The following CTNND2 variants were observed in gnomAD, a reference collection of about 807,000 sequenced individuals.
The protein encoded by CTNND2 is catenin delta-2.
Under a neutral mutation model 144.4 loss-of-function variants are expected in CTNND2, and 22 were observed. The observed-to-expected ratio is 0.15, with a 90% CI of 0.11 to 0.22. The LOEUF is 0.22. Among genes scored for constraint, CTNND2 ranks in the 10% least tolerant of loss-of-function variants. The probability of loss-of-function intolerance (pLI) is 1.00; values close to 1 mark genes in which losing one functional copy is unlikely to be tolerated. For synonymous variants in CTNND2, 751 were observed against 695.6 expected (o/e 1.08, Z -1.25); for missense variants, 1,353 against 1,618.8 (o/e 0.84, Z 2.82).
At chr5:11,641,444 G>A (rs1781993453) in intron 2 of CTNND2, among the ~76,000 whole-genome samples, 3 of 134,434 alleles carry the variant, frequency 2.2e-5, no homozygotes. Context: ...GGAGTAAAAG[G>A]ATATATATAT....
chr5:11,614,487 A>T (rs1172355800), intron 2 of CTNND2, among the ~76,000 whole-genome samples: 1 of 152,234 alleles, frequency 6.6e-6, no homozygotes, highest in Non-Finnish European at 1.5e-5. Flanking sequence ...CCATTTTGGA[A>T]AATAATTTGG....
chr5:11,359,820 T>C (rs1480942402), intron 8 of CTNND2, among the ~76,000 whole-genome samples: 1 of 152,158 alleles, frequency 6.6e-6, no homozygotes, highest in Non-Finnish European at 1.5e-5. Context: ...GAGAACCCCT[T>C]TAGACCATGT....
chr5:11,281,691 C>A (rs1747134299), intron 9 of CTNND2, among the ~76,000 whole-genome samples: 1 of 152,184 alleles, frequency 6.6e-6, no homozygotes, highest in African/African-American at 2.4e-5. Flanking sequence ...AGCTGACTGC[C>A]TCCTCCCCAC....
At chr5:11,516,873 A>G (rs1232815409) in intron 3 of CTNND2, among the ~76,000 whole-genome samples, 2 of 152,206 alleles carry the variant, frequency 1.3e-5, no homozygotes, top group South Asian at 4.1e-4. Context: ...GAAAAGCTCA[A>G]CAATCTTAAA....
At chr5:11,710,906 A>G (rs73043416) in intron 2 of CTNND2, among the ~76,000 whole-genome samples, 6,612 of 152,206 alleles carry the variant, frequency 0.043, 448 homozygotes, top group African/African-American at 0.15. Flanking sequence ...TCCTTTGCCT[A>G]TTCAGTTTAA....
At chr5:11,744,777 C>T (rs1443863605) in intron 1 of CTNND2, among the ~76,000 whole-genome samples, 1 of 151,984 alleles carries the variant, frequency 6.6e-6, no homozygotes, top group Non-Finnish European at 1.5e-5. Flanking sequence ...GACAGAGTCT[C>T]ACTTTGTTGC....
At chr5:11,315,894 A>G (rs144361826) in intron 9 of CTNND2, among the ~76,000 whole-genome samples, 203 of 152,330 alleles carry the variant, frequency 1.3e-3, no homozygotes, top group African/African-American at 4.7e-3. Flanking sequence ...TCTTATCACC[A>G]GTAGATAGAA....
At chr5:11,731,645 C>T (rs868590002) in intron 2 of CTNND2, among the ~76,000 whole-genome samples, 4 of 152,106 alleles carry the variant, frequency 2.6e-5, no homozygotes, top group Admixed American at 1.3e-4. Context: ...ATCGTTCAGA[C>T]TTTCATTAGT....
chr5:11,600,037 C>T (rs1339729277), intron 2 of CTNND2, among the ~76,000 whole-genome samples: 1 of 152,178 alleles, frequency 6.6e-6, no homozygotes, highest in Non-Finnish European at 1.5e-5. Context: ...TAAAGCAAAA[C>T]TATAAATATG....
chr5:11,246,879 G>A (rs1191944515), intron 9 of CTNND2, among the ~76,000 whole-genome samples: 1 of 152,046 alleles, frequency 6.6e-6, no homozygotes. Flanking sequence ...CAGACAAGAG[G>A]TAAGAAGGTC....
Position 11,023,069 on chromosome 5 carries a change from C to G in CTNND2, c.2789-90G>C. 3 of 1,137,784 alleles carry G rather than the reference C, an allele frequency of 2.6e-6. No individual in the cohort carries two copies. In the South Asian group the frequency reaches 3.9e-5, roughly 15 times the overall value. The allele number at this position is 1,137,784 out of a possible 1,614,324, so 70.5% of individuals were successfully genotyped here. On this transcript the variant is annotated intron_variant, in intron 16 of 21. Transcript: ENST00000304623. ...GGTGGGTATGGGGGAGAAGAGAATA[C>G]GAGAGGCCACGTTTATGCAAAATTG...
At chr5:11,680,280 C>A (rs1561687136) in intron 2 of CTNND2, among the ~76,000 whole-genome samples, 1 of 152,146 alleles carries the variant, frequency 6.6e-6, no homozygotes, top group Non-Finnish European at 1.5e-5. Context: ...AAGGAATTGG[C>A]TCTTTATCCC....
intron 1 of CTNND2, among the ~76,000 whole-genome samples, chr5:11,759,410 A>G (rs1217560809): frequency 6.6e-6 from 1 of 152,132 alleles, no homozygotes; most frequent in Non-Finnish European, 1.5e-5. Context: ...CTTAAGGAAA[A>G]TGATACATAA....
Position 11,136,251 on chromosome 5 carries a change from C to T in CTNND2, c.2160-18684G>A, listed in dbSNP as rs146835572. On this transcript the variant is annotated intron_variant, in intron 12 of 21. Transcript: ENST00000304623. ...AGCTGTTTTGTTACAGTAGACTGAA[C>T]AGAGACTGCCAGCCTTTTTAGCTTG... is the stretch of plus-strand genomic sequence containing the variant. 7.2e-4 allele frequency among the ~76,000 whole-genome samples: 110 copies of T among 152,296 alleles called. 2 individuals are homozygous for T. Among genetic ancestry groups the T allele is most frequent in the African/African-American group, 2.4e-3 (101 of 41,572 alleles).
chr5:11,465,063 T>C (rs1384398218), intron 3 of CTNND2, among the ~76,000 whole-genome samples: 2 of 152,322 alleles, frequency 1.3e-5, no homozygotes, highest in East Asian at 1.9e-4. Context: ...ATTTTCTCTT[T>C]AGACTTCCTA....
intron 1 of CTNND2, among the ~76,000 whole-genome samples, chr5:11,754,971 T>C (rs1043487560): frequency 6.6e-6 from 1 of 151,800 alleles, no homozygotes; most frequent in Admixed American, 6.6e-5. Flanking sequence ...ACAGATTTGA[T>C]CATATTATCT....
Position 11,652,293 on chromosome 5 carries a change from C to A in CTNND2, c.174+79843G>T, listed in dbSNP as rs553589926. ...CGGCCACGTAAGACACACCTGCTTC[C>A]CTTTTGCCTTCTGTCATAATTATAA... On this transcript the variant is annotated intron_variant, in intron 2 of 21. Transcript: ENST00000304623. 2.7e-3 allele frequency among the ~76,000 whole-genome samples: 410 copies of A among 152,186 alleles called. 3 individuals are homozygous for A. Among genetic ancestry groups the A allele is most frequent in the African/African-American group, 9.5e-3 (393 of 41,556 alleles).
At chr5:11,720,102 T>C (rs945461902) in intron 2 of CTNND2, among the ~76,000 whole-genome samples, 10 of 152,152 alleles carry the variant, frequency 6.6e-5, no homozygotes, top group African/African-American at 2.2e-4. Context: ...AGGTCTGTCA[T>C]TGATTACTGT....
chr5:11,867,033 C>G (rs1272866609), intron 1 of CTNND2, among the ~76,000 whole-genome samples: 1 of 152,198 alleles, frequency 6.6e-6, no homozygotes, highest in Admixed American at 6.5e-5. Context: ...GTTTTAATAT[C>G]ACAAGTCTGT....
Sources: gnomAD v4.1 joint callset for allele counts (sites outside exome capture counted in the v4.1 genomes callset) on GRCh38, gnomAD v4.1.1 for gene constraint, MANE v1.5 for transcripts, NCBI Gene and HGNC (gene_info 2026-07-23, HGNC 2026-07-21) for gene names.